MTG1: variants seen among roughly 807,000 people sequenced by gnomAD.
The protein encoded by MTG1 is mitochondrial ribosome-associated GTPase 1.
MTG1 carries 30 observed loss-of-function variants against 39.5 expected under a neutral mutation model. The observed-to-expected ratio is 0.76, with a 90% CI of 0.57 to 1.03. MTG1 has a LOEUF of 1.03. Among genes scored for constraint, MTG1 ranks in the 50% least tolerant of loss-of-function variants. The pLI, the probability that MTG1 is intolerant of heterozygous loss-of-function variation, is 0.00. For synonymous variants in MTG1, 217 were observed against 179.0 expected (o/e 1.21, Z -1.69); for missense variants, 513 against 447.4 (o/e 1.15, Z -1.32).
intron 10 of MTG1, 21 bp from the exon 11 acceptor site, chr10:133,420,005 C>T (rs763100910): frequency 6.3e-7 from 1 of 1,592,048 alleles, no homozygotes; most frequent in African/African-American, 1.3e-5. Flanking sequence ...TCCTTCCTCA[C>T]TGAACCCTCC....
intron 3 of MTG1, among the ~76,000 whole-genome samples, chr10:133,397,045 A>C (rs1849793634): frequency 6.6e-6 from 1 of 152,220 alleles, no homozygotes. Context: ...GACATCAGTC[A>C]GGCCTGCCCG....
Position 133,397,754 on chromosome 10 carries a change from A to G in MTG1, c.283-681A>G, listed in dbSNP as rs565275644. ...CGGCCTCCCAAAGTGCTGGTATTAC[A>G]GGCGTGAGTCACTGCGTCCAGCCTG... On this transcript the variant is annotated intron_variant, in intron 3 of 10. Transcript: ENST00000317502. 1.5e-3 allele frequency among the ~76,000 whole-genome samples: 222 copies of G among 148,708 alleles called. 1 individual carries two copies. The highest frequency in any genetic ancestry group is 5.2e-3 in the African/African-American group (207 of 39,990).
chr10:133,410,249 G>T (rs1020392985), intron 9 of MTG1, among the ~76,000 whole-genome samples: 1 of 152,054 alleles, frequency 6.6e-6, no homozygotes, highest in Admixed American at 6.6e-5. Flanking sequence ...TAGAGGCGAG[G>T]TCTTGCTATG....
In MTG1 at chr10:133,402,590, G is replaced by T; in HGVS notation, c.671-102G>T. On this transcript the variant is annotated intron_variant, in intron 8 of 10. Transcript: ENST00000317502. The surrounding 1 kb of genome is among the most constrained non-coding windows in gnomAD (Gnocchi z 4.7). ...TGTCAGTGGCTGGCCTCTTCCTCAC[G>T]GCACGGTGTCTTTGGGCTAGGACTG... The T allele has an allele frequency of 9.2e-7, 1 of 1,085,310 alleles. No homozygotes were observed. The highest frequency in any genetic ancestry group is 1.3e-6 in the Non-Finnish European group (1 of 744,720). 67.2% of individuals were successfully genotyped at this position (1,085,310 alleles called of 1,614,324 possible). A position where few individuals can be genotyped will look rare whatever the true frequency, so the allele number is the denominator to read the frequency against.
At chr10:133,414,485 G>C (rs1424040222) in intron 9 of MTG1, among the ~76,000 whole-genome samples, 2 of 151,754 alleles carry the variant, frequency 1.3e-5, no homozygotes, top group Non-Finnish European at 2.9e-5. Flanking sequence ...CTTCCCAGAC[G>C]GGGTGGCTGC....
At position 133,402,331 on chromosome 10, in the gene MTG1, T is replaced by C. The variant is rs1849894297; in HGVS notation, c.670+86T>C. The C allele has an allele frequency of 1.3e-6, 2 of 1,502,964 alleles. No individual in the cohort carries two copies. The highest frequency in any genetic ancestry group is 3.4e-5 in the Admixed American group (2 of 59,406). 93.1% of individuals were successfully genotyped at this position (1,502,964 alleles called of 1,614,324 possible). ...AGGGCTGGCTTTGGCACAGGGCCCC[T>C]AGACGGGAGTTGTTACTGCCTTTGA... On this transcript the variant is annotated intron_variant, in intron 8 of 10. Transcript: ENST00000317502. This position sits in a 1 kb window ranked among gnomAD's most constrained non-coding sequence, Gnocchi z 4.7.
At chr10:133,403,077 G>A (rs1849912032) in intron 9 of MTG1, among the ~76,000 whole-genome samples, 1 of 129,240 alleles carries the variant, frequency 7.7e-6, no homozygotes, top group African/African-American at 3.0e-5. Flanking sequence ...TCAAGGAAAC[G>A]AGCGTTCCCG....
intron 9 of MTG1, among the ~76,000 whole-genome samples, chr10:133,414,438 C>T (rs1490027087): frequency 1.3e-5 from 2 of 152,256 alleles, no homozygotes; most frequent in Non-Finnish European, 2.9e-5. Flanking sequence ...GGGTACAACT[C>T]CCAGACGGGG....
intron 9 of MTG1, among the ~76,000 whole-genome samples, chr10:133,409,349 G>C (rs1850012144): frequency 6.6e-6 from 1 of 152,136 alleles, no homozygotes; most frequent in Admixed American, 6.5e-5. Flanking sequence ...TGTAGTTTTT[G>C]AGGTTCCTCT....
Position 133,394,261 on chromosome 10 carries a change from C to T in MTG1, c.41C>T (p.Ala14Val). Residue 14 changes from alanine (A) to valine (V), a missense_variant, in exon 1 of 11, where the codon GCC (alanine) becomes GTC (valine). By Grantham distance (64) the Ala-to-Val change is moderately conservative (BLOSUM62 0). Transcript: ENST00000317502. ...TPRALCSAAQ[A>V]AWRENFPLCG... ...CGCGCGCTGTGCAGCGCCGCCCAGG[C>T]CGCCTGGCGGGAGAACTTCCCCCTG... The T allele has an allele frequency of 6.6e-7, 1 of 1,517,640 alleles. No individual in the cohort carries two copies. Among genetic ancestry groups the T allele is most frequent in the Non-Finnish European group, 8.8e-7 (1 of 1,137,368 alleles). 94.0% of individuals were successfully genotyped at this position (1,517,640 alleles called of 1,614,324 possible). A position where few individuals can be genotyped will look rare whatever the true frequency, so the allele number is the denominator to read the frequency against.
intron 2 of MTG1, 52 bp downstream of exon 2, chr10:133,395,829 A>G (rs1323741093): frequency 8.9e-6 from 14 of 1,568,880 alleles, no homozygotes; most frequent in Non-Finnish European, 1.2e-5. Context: ...CATATTACAC[A>G]TTAGAATTAC....
chr10:133,402,255 G>T lies in MTG1; in HGVS notation c.670+10G>T. The T allele has an allele frequency of 2.4e-6, 2 of 839,032 alleles. No individual in the cohort carries two copies. The highest frequency in any genetic ancestry group is 2.6e-5 in the South Asian group (1 of 38,678). 52.0% of individuals were successfully genotyped at this position (839,032 alleles called of 1,614,324 possible). A position where few individuals can be genotyped will look rare whatever the true frequency, so the allele number is the denominator to read the frequency against. ...AAGCTGGCCCTGTGTGGTGAGCCGGGGCTGGGGCTGGGGCTGGGGCTGGGA... is the reference window on the plus strand; with the variant it reads ...AAGCTGGCCCTGTGTGGTGAGCCGGTGCTGGGGCTGGGGCTGGGGCTGGGA... On this transcript the variant is annotated intron_variant, in intron 8 of 10. Coordinates refer to ENST00000317502, the MANE Select transcript of MTG1 (RefSeq NM_138384.4). This position sits in a 1 kb window ranked among gnomAD's most constrained non-coding sequence, Gnocchi z 4.7.
chr10:133,401,505 C>T lies in MTG1; in HGVS notation c.512-24C>T, dbSNP rs535895321. 1.1e-5 allele frequency: 17 copies of T among 1,541,712 alleles called. No homozygotes were observed. In the African/African-American group the frequency reaches 2.1e-4, roughly 19 times the overall value. ...CTTCTGTGTTTAGTATACATTTGAG[C>T]CTCCTTTTCTCCTTTTCCTACAGGG... On this transcript the variant is annotated intron_variant, in intron 6 of 10. Coordinates refer to ENST00000317502, the MANE Select transcript of MTG1 (RefSeq NM_138384.4).
At chr10:133,418,670 A>G (rs1056819816) in intron 9 of MTG1, among the ~76,000 whole-genome samples, 1 of 152,026 alleles carries the variant, frequency 6.6e-6, no homozygotes, top group Admixed American at 6.5e-5. Context: ...TTACCGGCTC[A>G]TGCTGTGACC....
intron 9 of MTG1, among the ~76,000 whole-genome samples, chr10:133,411,132 A>T (rs570910812): frequency 1.3e-5 from 2 of 151,614 alleles, no homozygotes; most frequent in East Asian, 3.9e-4. Context: ...TTTTTTTAGC[A>T]TTTCTTGAAA....
chr10:133,410,977 A>G (rs563304127), intron 9 of MTG1, among the ~76,000 whole-genome samples: 3 of 152,080 alleles, frequency 2.0e-5, no homozygotes, highest in African/African-American at 7.2e-5. Context: ...TTTTTCTTTT[A>G]GTCTTCACAC....
At chr10:133,414,264 G>A (rs1303727378) in intron 9 of MTG1, among the ~76,000 whole-genome samples, 1 of 151,122 alleles carries the variant, frequency 6.6e-6, no homozygotes, top group East Asian at 1.9e-4. Flanking sequence ...TCCCAAGGCA[G>A]AAGAATTTTT....
chr10:133,421,968 A>C lies in MTG1; in HGVS notation c.*1803A>C, dbSNP rs1564825645. The C allele has an allele frequency of 6.6e-6, 1 of 152,134 alleles. No individual in the cohort carries two copies. The highest frequency in any genetic ancestry group is 6.7e-5 in the Admixed American group (1 of 14,976). 9.4% of individuals were successfully genotyped at this position (152,134 alleles called of 1,614,324 possible). On this transcript the variant is annotated 3_prime_UTR_variant, in exon 11 of 11. Transcript: ENST00000317502. ...TGACTGGAGAGCTAGAGAACGTGGC[A>C]GACCCAAGACCTCTCAGTGCTGAGC... is the stretch of plus-strand genomic sequence containing the variant.
intron 9 of MTG1, among the ~76,000 whole-genome samples, chr10:133,410,938 A>G (rs1158185118): frequency 1.3e-5 from 2 of 152,080 alleles, no homozygotes; most frequent in African/African-American, 4.8e-5. Context: ...CTCTCTTTCC[A>G]GGTTGCTGTA....
Sources: gnomAD v4.1 joint callset for allele counts (sites outside exome capture counted in the v4.1 genomes callset) on GRCh38, gnomAD v4.1.1 for gene constraint, Gnocchi (gnomAD v3.1) non-coding constraint, MANE v1.5 for transcripts, NCBI Gene and HGNC (gene_info 2026-07-23, HGNC 2026-07-21) for gene names.